Variants in MECOM observed in about 807,000 individuals in gnomAD.
MECOM encodes the protein histone-lysine N-methyltransferase MECOM.
Under a neutral mutation model 116.3 loss-of-function variants are expected in MECOM, and 13 were observed. The ratio of observed to expected loss-of-function variants is 0.11; its 90% CI spans 0.07 to 0.18. The LOEUF is 0.18. Ranked by LOEUF, MECOM falls within the 10% of genes least tolerant of loss-of-function variation. The pLI is 1.00. For missense variants in MECOM, 1,299 were observed against 1,509.0 expected (o/e 0.86, Z 2.31); for synonymous variants, 528 against 535.2 (o/e 0.99, Z 0.19).
intron 2 of MECOM, among the ~76,000 whole-genome samples, chr3:169,369,079 C>CACTTCACCA (rs1729652290): frequency 6.6e-6 from 1 of 151,950 alleles, no homozygotes; most frequent in South Asian, 2.1e-4. Flanking sequence ...CAGACTTTTC[C>CACTTCACCA]ACTTCACCAA....
intron 2 of MECOM, among the ~76,000 whole-genome samples, chr3:169,210,052 A>G (rs1203231328): frequency 3.3e-5 from 5 of 152,182 alleles, no homozygotes; most frequent in African/African-American, 1.2e-4. Flanking sequence ...TGTCCTTTGC[A>G]GGGACATGGA....
chr3:169,472,516 A>G (rs1560317729), intron 1 of MECOM, among the ~76,000 whole-genome samples: 1 of 93,694 alleles, frequency 1.1e-5, no homozygotes, highest in Non-Finnish European at 2.1e-5. Context: ...AGGAAAGGAA[A>G]GGAAAGAAAA....
chr3:169,212,325 C>T (rs1031227981), intron 2 of MECOM, among the ~76,000 whole-genome samples: 8 of 151,882 alleles, frequency 5.3e-5, no homozygotes, highest in Non-Finnish European at 8.8e-5. Flanking sequence ...GCTCTGATGG[C>T]TTTCTACTAC....
intron 1 of MECOM, among the ~76,000 whole-genome samples, chr3:169,544,391 G>C (rs1760464127): frequency 6.6e-6 from 1 of 152,160 alleles, no homozygotes; most frequent in Non-Finnish European, 1.5e-5. Flanking sequence ...TAATGGTATT[G>C]CTGGGTCAAA....
chr3:169,423,176 T>C (rs1429906938), intron 1 of MECOM, among the ~76,000 whole-genome samples: 1 of 152,072 alleles, frequency 6.6e-6, no homozygotes, highest in Non-Finnish European at 1.5e-5. Flanking sequence ...ATACTTTGAG[T>C]AGCAAGACTC....
chr3:169,146,343 C>A, intron 2 of MECOM: 1 of 1,323,914 alleles, frequency 7.6e-7, no homozygotes, highest in Non-Finnish European at 9.9e-7. Context: ...GTCGCGTGGC[C>A]AGTGCCAGGA....
At chr3:169,479,258 G>C (rs1750924045) in intron 1 of MECOM, among the ~76,000 whole-genome samples, 1 of 142,030 alleles carries the variant, frequency 7.0e-6, no homozygotes, top group Admixed American at 7.1e-5. Context: ...AATTCACATA[G>C]ATAGGGATGT....
intron 1 of MECOM, among the ~76,000 whole-genome samples, chr3:169,524,488 G>A (rs539164228): frequency 3.6e-4 from 55 of 152,284 alleles, no homozygotes; most frequent in African/African-American, 1.2e-3. Context: ...CTGTTTTCAC[G>A]CCTAAGTAAG....
At chr3:169,130,332 C>A (rs1371287915) in intron 4 of MECOM, among the ~76,000 whole-genome samples, 1 of 152,122 alleles carries the variant, frequency 6.6e-6, no homozygotes, top group Non-Finnish European at 1.5e-5. Context: ...CCGAAGAGCC[C>A]TTTCCCATTG....
At position 169,663,567 on chromosome 3, in the gene MECOM, CCA is replaced by C. The variant is rs1776623630; in HGVS notation, c.-197_-196del. The C allele has an allele frequency of 1.8e-6, 1 of 555,858 alleles. No individual in the cohort carries two copies. The highest frequency in any genetic ancestry group is 2.1e-5 in the African/African-American group (1 of 47,290). 34.4% of individuals were successfully genotyped at this position (555,858 alleles called of 1,614,324 possible). A position where few individuals can be genotyped will look rare whatever the true frequency, so the allele number is the denominator to read the frequency against. On this transcript the variant is annotated 5_prime_UTR_variant, in exon 1 of 17. Coordinates refer to ENST00000651503, the MANE Select transcript of MECOM (RefSeq NM_004991.4). ...TTTCTCTCCTGTTTCTCTCTCTCTT[CCA>C]CACACTCACTCTCTGTATTTTCTTC... is the stretch of plus-strand genomic sequence containing the variant.
chr3:169,594,174 A>AAAAAAAAAAAAAAAC (rs1255613781), intron 1 of MECOM, among the ~76,000 whole-genome samples: 18 of 125,954 alleles, frequency 1.4e-4, no homozygotes, highest in South Asian at 2.5e-4. Flanking sequence ...AAAAAAAAAA[A>AAAAAAAAAAAAAAAC]AACACCTTTT....
At chr3:169,175,193 T>A (rs1577253565) in intron 2 of MECOM, among the ~76,000 whole-genome samples, 1 of 152,154 alleles carries the variant, frequency 6.6e-6, no homozygotes, top group African/African-American at 2.4e-5. Context: ...TTTTCATGGC[T>A]TTGCATCTAT....
At chr3:169,301,800 C>G (rs1264868391) in intron 2 of MECOM, among the ~76,000 whole-genome samples, 3 of 152,086 alleles carry the variant, frequency 2.0e-5, no homozygotes, top group African/African-American at 7.2e-5. Context: ...AACTTACAAA[C>G]TAATCCTTCA....
chr3:169,233,045 G>C (rs1462159619), intron 2 of MECOM, among the ~76,000 whole-genome samples: 1 of 152,000 alleles, frequency 6.6e-6, no homozygotes, highest in Non-Finnish European at 1.5e-5. Context: ...CTATAATTGT[G>C]GAGTCAGGGC....
At chr3:169,516,683 T>C (rs1009045192) in intron 1 of MECOM, among the ~76,000 whole-genome samples, 5 of 152,148 alleles carry the variant, frequency 3.3e-5, no homozygotes, top group Non-Finnish European at 5.9e-5. Context: ...ACCCAGCTCT[T>C]AATTATCTGC....
At chr3:169,298,001 G>A (rs1715962423) in intron 2 of MECOM, among the ~76,000 whole-genome samples, 1 of 152,140 alleles carries the variant, frequency 6.6e-6, no homozygotes, top group African/African-American at 2.4e-5. Flanking sequence ...CCTTTTGTGG[G>A]AACATCACCA....
chr3:169,086,313 T>C (rs1292556085), intron 16 of MECOM, among the ~76,000 whole-genome samples: 2 of 152,206 alleles, frequency 1.3e-5, no homozygotes, highest in African/African-American at 4.8e-5. Context: ...TACTTATCTT[T>C]GGCAGAGTTT....
chr3:169,320,135 A>T (rs1437075281), intron 2 of MECOM, among the ~76,000 whole-genome samples: 2 of 152,180 alleles, frequency 1.3e-5, no homozygotes, highest in Admixed American at 6.5e-5. Context: ...AGGAGAGAAA[A>T]ATAAGGGATT....
intron 2 of MECOM, among the ~76,000 whole-genome samples, chr3:169,359,482 G>A (rs929188616): frequency 6.6e-6 from 1 of 151,728 alleles, no homozygotes; most frequent in South Asian, 2.1e-4. Context: ...TAGTACCTTT[G>A]GTAATGTGCC....
Sources: allele counts gnomAD v4.1 joint callset (sites outside exome capture counted in the v4.1 genomes callset), GRCh38; gene constraint gnomAD v4.1.1; transcripts MANE v1.5; gene names NCBI Gene and HGNC (gene_info 2026-07-23, HGNC 2026-07-21).